ROBO2: variants seen among roughly 807,000 people sequenced by gnomAD.
ROBO2 encodes roundabout homolog 2.
In ROBO2, 53 loss-of-function variants were observed where a neutral mutation model predicts 160.8. The ratio of observed to expected loss-of-function variants is 0.33; its 90% CI spans 0.26 to 0.41. The LOEUF (loss-of-function observed/expected upper bound fraction) is 0.41, where lower values mean the gene tolerates loss of function less well. ROBO2 is among the 10% of genes least tolerant of loss of function. The pLI is 1.00. For synonymous variants in ROBO2, 664 were observed against 611.7 expected, an observed-to-expected ratio of 1.09 and a Z score of -1.26; for missense variants, 1,577 against 1,722.4, an observed-to-expected ratio of 0.92 and a Z score of 1.49.
chr3:76,782,154 T>C (rs1024785866), intron 2 of ROBO2, among the ~76,000 whole-genome samples: 4 of 150,852 alleles, frequency 2.7e-5, no homozygotes, highest in African/African-American at 9.7e-5. Flanking sequence ...CCATTGGTTG[T>C]TCAGAAGTAT....
intron 2 of ROBO2, among the ~76,000 whole-genome samples, chr3:76,502,556 A>C (rs1436149030): frequency 1.3e-5 from 2 of 152,170 alleles, no homozygotes; most frequent in Admixed American, 6.6e-5. Context: ...TGCTTCATCC[A>C]TTCTTTTTAA....
At chr3:76,519,666 G>A (rs1218442176) in intron 2 of ROBO2, among the ~76,000 whole-genome samples, 1 of 152,114 alleles carries the variant, frequency 6.6e-6, no homozygotes, top group Non-Finnish European at 1.5e-5. Context: ...ATTGGAAACT[G>A]CCAAAATGAT....
chr3:77,642,626 T>G (rs763664806), intron 24 of ROBO2, 45 bp from the exon 26 acceptor site: 2 of 431,244 alleles, frequency 4.6e-6, no homozygotes, highest in South Asian at 1.7e-5. Context: ...ACCTGTATTT[T>G]TCATTAAATT....
At chr3:76,639,078 G>A (rs985872244) in intron 2 of ROBO2, among the ~76,000 whole-genome samples, 3 of 151,882 alleles carry the variant, frequency 2.0e-5, no homozygotes, top group African/African-American at 7.3e-5. Context: ...TGAAGCACTA[G>A]TTTATCTCAC....
intron 2 of ROBO2, among the ~76,000 whole-genome samples, chr3:76,368,256 G>T (rs1204509605): frequency 1.3e-5 from 2 of 151,940 alleles, no homozygotes; most frequent in East Asian, 3.9e-4. Flanking sequence ...ATGTGAAATA[G>T]AATAGTCAGT....
At chr3:77,425,229 C>T (rs535401156) in intron 2 of ROBO2, among the ~76,000 whole-genome samples, 2 of 150,552 alleles carry the variant, frequency 1.3e-5, no homozygotes, top group East Asian at 3.9e-4. Flanking sequence ...ATGGTCTTTG[C>T]TCTTATGGAG....
chr3:76,245,013 G>A (rs975248560), intron 2 of ROBO2, among the ~76,000 whole-genome samples: 5 of 151,682 alleles, frequency 3.3e-5, no homozygotes, highest in Non-Finnish European at 7.4e-5. Flanking sequence ...CAAATTCACC[G>A]ATGAAATTAA....
chr3:77,316,349 G>A (rs2063989804), intron 2 of ROBO2, among the ~76,000 whole-genome samples: 2 of 152,150 alleles, frequency 1.3e-5, no homozygotes, highest in African/African-American at 4.8e-5. Flanking sequence ...AGATGAGTTT[G>A]TAACACTGTC....
intron 2 of ROBO2, among the ~76,000 whole-genome samples, chr3:77,440,923 T>A (rs1045033302): frequency 1.3e-5 from 2 of 152,054 alleles, no homozygotes; most frequent in African/African-American, 4.8e-5. Flanking sequence ...TTTAGAAAAC[T>A]CCCCATTCTC....
intron 2 of ROBO2, among the ~76,000 whole-genome samples, chr3:77,287,754 G>T (rs192618277): frequency 9.2e-5 from 14 of 152,194 alleles, no homozygotes; most frequent in Non-Finnish European, 1.9e-4. Flanking sequence ...GTGCTTTGAT[G>T]TCTTATTTTT....
chr3:76,423,932 C>G (rs955528874), intron 2 of ROBO2, among the ~76,000 whole-genome samples: 1 of 152,122 alleles, frequency 6.6e-6, no homozygotes, highest in Admixed American at 6.5e-5. Flanking sequence ...AGCAGTAGAG[C>G]CTACTCAATC....
At chr3:77,070,360 A>G (rs1184191314) in intron 1 of ROBO2, among the ~76,000 whole-genome samples, 2 of 152,096 alleles carry the variant, frequency 1.3e-5, no homozygotes, top group Non-Finnish European at 2.9e-5. Flanking sequence ...GGTTTGTGGC[A>G]GTATAACTCT....
chr3:76,875,379 T>C (rs528502590), intron 2 of ROBO2, among the ~76,000 whole-genome samples: 1 of 152,340 alleles, frequency 6.6e-6, no homozygotes, highest in Admixed American at 6.5e-5. Context: ...CTGTGCATAG[T>C]GTATTAGATT....
chr3:75,994,816 C>A (rs978475859), intron 2 of ROBO2, among the ~76,000 whole-genome samples: 1 of 152,110 alleles, frequency 6.6e-6, no homozygotes, highest in Non-Finnish European at 1.5e-5. Context: ...CTTGGAACTT[C>A]CTAGAGACTT....
At chr3:77,282,934 T>G (rs1490973550) in intron 2 of ROBO2, among the ~76,000 whole-genome samples, 1 of 150,152 alleles carries the variant, frequency 6.7e-6, no homozygotes. Flanking sequence ...ATTAAATAAC[T>G]GATGGCATAA....
chr3:76,512,479 A>C (rs1451221975), intron 2 of ROBO2, among the ~76,000 whole-genome samples: 4 of 151,902 alleles, frequency 2.6e-5, no homozygotes, highest in Non-Finnish European at 5.9e-5. Context: ...TGAACACATA[A>C]TTTTTTCACT....
At chr3:76,972,073 C>G (rs565839185) in intron 2 of ROBO2, among the ~76,000 whole-genome samples, 1 of 151,846 alleles carries the variant, frequency 6.6e-6, no homozygotes, top group African/African-American at 2.4e-5. Flanking sequence ...TTTCTTTTTT[C>G]AGTCTTTAAC....
At chr3:76,407,224 C>T (rs2075248847) in intron 2 of ROBO2, among the ~76,000 whole-genome samples, 1 of 151,870 alleles carries the variant, frequency 6.6e-6, no homozygotes, top group Admixed American at 6.6e-5. Flanking sequence ...GAGAGACCTC[C>T]CTTTCTCACC....
chr3:77,158,670 C>T (rs762858632), intron 2 of ROBO2, among the ~76,000 whole-genome samples: 3 of 152,084 alleles, frequency 2.0e-5, no homozygotes, highest in African/African-American at 4.8e-5. Flanking sequence ...TGCTAAGAGA[C>T]TCCCCTAGAA....
Sources: allele counts gnomAD v4.1 joint callset (sites outside exome capture counted in the v4.1 genomes callset), GRCh38; gene constraint gnomAD v4.1.1; transcripts MANE v1.5; gene names NCBI Gene and HGNC (gene_info 2026-07-23, HGNC 2026-07-21).